The following DAZAP1 variants were observed in gnomAD, a reference collection of about 807,000 sequenced individuals.
The protein encoded by DAZAP1 is DAZ-associated protein 1.
A neutral mutation model predicts 60.1 loss-of-function variants in DAZAP1; 6 were observed. That is an observed-to-expected ratio of 0.10 (90% CI 0.05 to 0.20). The LOEUF (loss-of-function observed/expected upper bound fraction) is 0.20, where lower values mean the gene tolerates loss of function less well. Ranked by LOEUF, DAZAP1 falls within the 10% of genes least tolerant of loss-of-function variation. The pLI is 1.00. For synonymous variants in DAZAP1, 235 were observed against 215.9 expected (o/e 1.09, Z -0.78); for missense variants, 366 against 560.4 (o/e 0.65, Z 3.50).
At position 1,433,394 on chromosome 19, in the gene DAZAP1, G is replaced by A; in HGVS notation, c.1048+704G>A. ...CTCCAGCACCAGGGGTCATTCACAA[G>A]CAGGGTTTGAGAACATGGGGCACCT... On this transcript the variant is annotated intron_variant, in intron 11 of 11. Transcript: ENST00000233078. This position sits in a 1 kb window ranked among gnomAD's most constrained non-coding sequence, Gnocchi z 6.1. The A allele has an allele frequency of 3.1e-6, 1 of 321,314 alleles. No individual in the cohort carries two copies. Among genetic ancestry groups the A allele is most frequent in the Non-Finnish European group, 5.9e-6 (1 of 168,590 alleles). 19.9% of individuals were successfully genotyped at this position (321,314 alleles called of 1,614,324 possible).
rs2083282817 is a variant in DAZAP1 at position 1,425,432 on chromosome 19, G to C, written c.464-446G>C. The stretch of plus-strand genomic sequence containing the variant: ...TTCCACGCGGGCCCCCGGCCTGCAG[G>C]GTTCACTGGCAATCTCCCCACAGGC... On this transcript the variant is annotated intron_variant, in intron 6 of 11. Transcript: ENST00000233078. This position sits in a 1 kb window ranked among gnomAD's most constrained non-coding sequence, Gnocchi z 5.4. 6.6e-6 allele frequency among the ~76,000 whole-genome samples: 1 copy of C among 152,212 alleles called. No individual in the cohort carries two copies. Among genetic ancestry groups the C allele is most frequent in the Non-Finnish European group, 1.5e-5 (1 of 68,040 alleles).
In DAZAP1 at chr19:1,422,832, CT is replaced by C. The variant is rs1315257290; in HGVS notation, c.463+442del. 1.4e-5 allele frequency among the ~76,000 whole-genome samples: 2 copies of C among 145,052 alleles called. No individual in the cohort carries two copies. The highest frequency in any genetic ancestry group is 2.9e-5 in the Non-Finnish European group (2 of 67,810). On this transcript the variant is annotated intron_variant, in intron 6 of 11. Coordinates refer to ENST00000233078, the MANE Select transcript of DAZAP1 (RefSeq NM_018959.4). The surrounding 1 kb of genome is among the most constrained non-coding windows in gnomAD (Gnocchi z 4.5). Reference sequence around the variant, plus strand: ...TCCCATGCTTTTTTTTTCTTTCTTTCTTTTTTCCTTTTCTTTTCTTTTTCTT... The same window carrying C: ...TCCCATGCTTTTTTTTTCTTTCTTTCTTTTTCCTTTTCTTTTCTTTTTCTT...
At position 1,415,351 on chromosome 19, in the gene DAZAP1, T is replaced by TTGTG. The variant is rs777866840; in HGVS notation, c.30-2148_30-2147insGTGT. ...TGGATTTGGTTTGGTTTTCAGGGTT[T>TTGTG]TATGTGTGTGTGTGTGTGTGTGTGT... is the stretch of plus-strand genomic sequence containing the variant. On this transcript the variant is annotated intron_variant, in intron 1 of 11. Transcript: ENST00000233078. Among the ~76,000 whole-genome samples, 310 of 70,008 alleles carry TTGTG rather than the reference T, an allele frequency of 4.4e-3. 2 individuals are homozygous for TTGTG. Among genetic ancestry groups the TTGTG allele is most frequent in the South Asian group, 0.015 (34 of 2,250 alleles). 45.9% of individuals were successfully genotyped at this position (70,008 alleles called of 152,430 possible).
At chr19:1,414,034 T>C (rs981188836) in intron 1 of DAZAP1, among the ~76,000 whole-genome samples, 1 of 149,510 alleles carries the variant, frequency 6.7e-6, no homozygotes, top group Non-Finnish European at 1.5e-5. Context: ...TGTGTGTGTT[T>C]AGATGGACCC....
chr19:1,418,573 G>A lies in DAZAP1; in HGVS notation c.238-93G>A. ...GGAGCCGGCGGGGCGGGGCGGGCCG[G>A]GCTGCTGTGCCGTGGCTGCTGTTGT... On this transcript the variant is annotated intron_variant, in intron 3 of 11. Transcript: ENST00000233078. This position sits in a 1 kb window ranked among gnomAD's most constrained non-coding sequence, Gnocchi z 5.7. 6.5e-7 allele frequency: 1 copy of A among 1,538,118 alleles called. No homozygotes were observed. The highest frequency in any genetic ancestry group is 9.0e-7 in the Non-Finnish European group (1 of 1,112,516).
In DAZAP1 at chr19:1,426,701, A is replaced by G. The variant is rs1009159258; in HGVS notation, c.546+741A>G. On this transcript the variant is annotated intron_variant, in intron 7 of 11. Transcript: ENST00000233078. This position sits in a 1 kb window ranked among gnomAD's most constrained non-coding sequence, Gnocchi z 5.4. ...GAAATAAATAACTGGTAGAAATTCT[A>G]CAGTGTGGAATTTCTTGCAGTTAGC... 2 of 152,218 alleles carry G rather than the reference A, an allele frequency of 1.3e-5. No individual in the cohort carries two copies. The highest frequency in any genetic ancestry group is 2.4e-5 in the African/African-American group (1 of 41,446). The allele number at this position is 152,218 out of a possible 1,614,324, so 9.4% of individuals were successfully genotyped here.
In DAZAP1 at chr19:1,434,870, G is replaced by A. The variant is rs1378715936; in HGVS notation, c.1182G>A (p.Gly394=). 3.1e-6 allele frequency: 5 copies of A among 1,593,348 alleles called. No individual in the cohort carries two copies. The highest frequency in any genetic ancestry group is 1.8e-5 in the Admixed American group (1 of 56,318). ...PPAGGSGFGR[G]QNHNVQGFHP... ...CCGGCGGCAGCGGCTTTGGACGAGG[G>A]CAGAACCACAACGTGCAAGGGTTCC... Residue 394 remains glycine, a synonymous_variant, in exon 12 of 12, where the codon GGG becomes GGA. Coordinates refer to ENST00000233078, the MANE Select transcript of DAZAP1 (RefSeq NM_018959.4). This position sits in a 1 kb window ranked among gnomAD's most constrained non-coding sequence, Gnocchi z 8.0.
chr19:1,420,423 G>A (rs933946457), intron 4 of DAZAP1, among the ~76,000 whole-genome samples: 2 of 151,916 alleles, frequency 1.3e-5, no homozygotes, highest in Non-Finnish European at 1.5e-5. Flanking sequence ...CACCCTCAAA[G>A]GTTTATAGTC....
intron 7 of DAZAP1, chr19:1,427,323 C>T (rs987816255): frequency 2.0e-5 from 3 of 152,302 alleles, no homozygotes; most frequent in Non-Finnish European, 4.4e-5. Context: ...GCCCCTGGGT[C>T]CCCCCAGCCA....
At position 1,422,389 on chromosome 19, in the gene DAZAP1, G is replaced by A; in HGVS notation, c.456G>A (p.Arg152=). 5 of 1,614,062 alleles carry A rather than the reference G, an allele frequency of 3.1e-6. No homozygotes were observed. Among genetic ancestry groups the A allele is most frequent in the Non-Finnish European group, 4.2e-6 (5 of 1,179,970 alleles). Residue 152 remains arginine, a synonymous_variant, in exon 6 of 12, where the codon AGG becomes AGA. Transcript: ENST00000233078. This position sits in a 1 kb window ranked among gnomAD's most constrained non-coding sequence, Gnocchi z 4.5. ...TGATCTATGACGCCGAGAAGCAGAG[G>A]CCCCGAGGTAAGGGCAGATCTAGTT... is the stretch of plus-strand genomic sequence containing the variant. The part of the protein sequence containing the change: ...VVMIYDAEKQ[R]PRGFGFITFE...
In DAZAP1 at chr19:1,422,250, G is replaced by T; in HGVS notation, c.415-98G>T. 8.8e-7 allele frequency: 1 copy of T among 1,137,420 alleles called. No individual in the cohort carries two copies. Among genetic ancestry groups the T allele is most frequent in the Non-Finnish European group, 1.3e-6 (1 of 759,140 alleles). The allele number at this position is 1,137,420 out of a possible 1,614,324, so 70.5% of individuals were successfully genotyped here. A position where few individuals can be genotyped will look rare whatever the true frequency, so the allele number is the denominator to read the frequency against. ...CCCCCGCTCAGGGAGGGCGCACCCT[G>T]TGCGAGAGTTTGGGTTCGTGGGAAC... On this transcript the variant is annotated intron_variant, in intron 5 of 11. Transcript: ENST00000233078. The surrounding 1 kb of genome is among the most constrained non-coding windows in gnomAD (Gnocchi z 4.5).
At position 1,426,004 on chromosome 19, in the gene DAZAP1, C is replaced by T; in HGVS notation, c.546+44C>T. The T allele has an allele frequency of 2.3e-6, 3 of 1,308,950 alleles. No homozygotes were observed. Among genetic ancestry groups the T allele is most frequent in the Non-Finnish European group, 3.3e-6 (3 of 901,734 alleles). The allele number at this position is 1,308,950 out of a possible 1,614,324, so 81.1% of individuals were successfully genotyped here. A position where few individuals can be genotyped will look rare whatever the true frequency, so the allele number is the denominator to read the frequency against. ...ATTTTACCTTAAGACCAAACCAAGT[C>T]TTAGGCAACTTAGGGGTTTCACTGG... On this transcript the variant is annotated intron_variant, in intron 7 of 11. Transcript: ENST00000233078. This position sits in a 1 kb window ranked among gnomAD's most constrained non-coding sequence, Gnocchi z 5.4.
chr19:1,433,679 CAGCCGCTGCTCTTGGT>C lies in DAZAP1; in HGVS notation c.1048+990_1048+1005del. The C allele has an allele frequency of 7.0e-7, 1 of 1,427,602 alleles. No individual in the cohort carries two copies. The allele number at this position is 1,427,602 out of a possible 1,614,324, so 88.4% of individuals were successfully genotyped here. ...CGCCCGGTTGGGGCGTGGCGTGTGT[CAGCCGCTGCTCTTGGT>C]GGCGGCTGCTTGGGTTGGTCACCCT... is the stretch of plus-strand genomic sequence containing the variant. On this transcript the variant is annotated intron_variant, in intron 11 of 11. Coordinates refer to ENST00000233078, the MANE Select transcript of DAZAP1 (RefSeq NM_018959.4). The surrounding 1 kb of genome is among the most constrained non-coding windows in gnomAD (Gnocchi z 6.1).
At chr19:1,424,970 GC>G (rs1219784867) in intron 6 of DAZAP1, among the ~76,000 whole-genome samples, 1 of 152,216 alleles carries the variant, frequency 6.6e-6, no homozygotes, top group Non-Finnish European at 1.5e-5. Context: ...TTAGCCGGGG[GC>G]CGCGCCCACC....
chr19:1,432,736 C>G lies in DAZAP1; in HGVS notation c.1048+46C>G, dbSNP rs371466620. 3.1e-5 allele frequency: 48 copies of G among 1,530,494 alleles called. No homozygotes were observed. The highest frequency in any genetic ancestry group is 9.1e-5 in the East Asian group (4 of 43,716). The allele number at this position is 1,530,494 out of a possible 1,614,324, so 94.8% of individuals were successfully genotyped here. ...CCGCGTCCCCGCTGGCCCCAGGACCCTGGGCACGGCCTGCCTTCTTCTGCT... is the reference window on the plus strand; with the variant it reads ...CCGCGTCCCCGCTGGCCCCAGGACCGTGGGCACGGCCTGCCTTCTTCTGCT... On this transcript the variant is annotated intron_variant, in intron 11 of 11. Transcript: ENST00000233078. This position sits in a 1 kb window ranked among gnomAD's most constrained non-coding sequence, Gnocchi z 4.9.
chr19:1,430,911 C>T (rs1351610435), intron 10 of DAZAP1, among the ~76,000 whole-genome samples: 10 of 150,566 alleles, frequency 6.6e-5, no homozygotes, highest in African/African-American at 1.7e-4. Context: ...TTAGTAGAGA[C>T]GGGGTTTCAC....
intron 1 of DAZAP1, among the ~76,000 whole-genome samples, chr19:1,408,434 C>G (rs1488655149): frequency 2.0e-5 from 3 of 152,238 alleles, no homozygotes; most frequent in Non-Finnish European, 4.4e-5. Flanking sequence ...AGCGCGCGCC[C>G]AAACTTGGCG....
Position 1,434,905 on chromosome 19 carries a change from G to A in DAZAP1, c.1217G>A (p.Arg406Gln). The stretch of plus-strand genomic sequence containing the variant: ...AACGTGCAAGGGTTCCACCCCTACC[G>A]ACGCTAGCCCGCGGCGCCGCGACGT... ...NHNVQGFHPY[R>Q]R Residue 406 changes from arginine to glutamine, a missense_variant, in exon 12 of 12, where the codon CGA becomes CAA. Coordinates refer to ENST00000233078, the MANE Select transcript of DAZAP1 (RefSeq NM_018959.4). The surrounding 1 kb of genome is among the most constrained non-coding windows in gnomAD (Gnocchi z 8.0). The A allele has an allele frequency of 6.8e-7, 1 of 1,480,290 alleles. No individual in the cohort carries two copies. The highest frequency in any genetic ancestry group is 9.0e-7 in the Non-Finnish European group (1 of 1,115,406). The allele number at this position is 1,480,290 out of a possible 1,614,324, so 91.7% of individuals were successfully genotyped here.
At position 1,425,847 on chromosome 19, in the gene DAZAP1, C is replaced by T. The variant is rs1471879932; in HGVS notation, c.464-31C>T. 1 of 1,456,090 alleles carries T rather than the reference C, an allele frequency of 6.9e-7. No homozygotes were observed. The highest frequency in any genetic ancestry group is 9.7e-7 in the Non-Finnish European group (1 of 1,036,234). 90.2% of individuals were successfully genotyped at this position (1,456,090 alleles called of 1,614,324 possible). A position where few individuals can be genotyped will look rare whatever the true frequency, so the allele number is the denominator to read the frequency against. On this transcript the variant is annotated intron_variant, in intron 6 of 11. Transcript: ENST00000233078. The surrounding 1 kb of genome is among the most constrained non-coding windows in gnomAD (Gnocchi z 5.4). ...TCCTGTTTTGTGTCACAACACCCTG[C>T]TACCTTGATTCACTCTTCGTCGTTG...
Sources: gnomAD v4.1 joint callset for allele counts (sites outside exome capture counted in the v4.1 genomes callset) on GRCh38, gnomAD v4.1.1 for gene constraint, Gnocchi (gnomAD v3.1) non-coding constraint, MANE v1.5 for transcripts, NCBI Gene and HGNC (gene_info 2026-07-23, HGNC 2026-07-21) for gene names.